The following PTP4A1 variants were observed in gnomAD, a reference collection of about 807,000 sequenced individuals.
The protein encoded by PTP4A1 is protein tyrosine phosphatase 4A1, also known as protein tyrosine phosphatase type IVA 1.
Under a neutral mutation model 20.5 loss-of-function variants are expected in PTP4A1, and 9 were observed. The ratio of observed to expected loss-of-function variants is 0.44; its 90% confidence interval spans 0.26 to 0.77. The LOEUF is 0.77. PTP4A1 is among the 30% of genes least tolerant of loss of function. The pLI, the probability that PTP4A1 is intolerant of heterozygous loss-of-function variation, is 0.19. For missense variants in PTP4A1, 137 were observed against 218.8 expected, an observed-to-expected ratio of 0.63 and a Z score of 2.36; for synonymous variants, 78 against 67.4, an observed-to-expected ratio of 1.16 and a Z score of -0.77.
At chr6:63,520,935 G>C (rs902418369), upstream of PTP4A1, among the ~76,000 whole-genome samples, 2 of 152,110 alleles carry the variant, frequency 1.3e-5, no homozygotes, top group Non-Finnish European at 2.9e-5. Context: ...CCTTTGCAGG[G>C]ACATGGATGA....
intron 3 of PTP4A1, among the ~76,000 whole-genome samples, chr6:63,563,165 C>A (rs563842046): frequency 1.3e-5 from 2 of 152,330 alleles, no homozygotes; most frequent in South Asian, 4.1e-4. Flanking sequence ...CTAGGGCCTT[C>A]TCCAATCCAT....
intron 2 of PTP4A1, among the ~76,000 whole-genome samples, chr6:63,547,672 AT>A (rs562055301): frequency 2.8e-3 from 411 of 149,184 alleles, no homozygotes; most frequent in African/African-American, 9.4e-3. Context: ...CGCCTGGCTA[AT>A]TTTTTGTATT....
intron 1 of PTP4A1, among the ~76,000 whole-genome samples, chr6:63,522,287 T>C (rs149168605): frequency 0.015 from 2,280 of 152,352 alleles, 31 homozygotes; most frequent in Non-Finnish European, 0.021. Flanking sequence ...GATGAATTAT[T>C]TGTATAGTTA....
chr6:63,567,252 T>A (rs928298485), intron 3 of PTP4A1, among the ~76,000 whole-genome samples: 2 of 152,338 alleles, frequency 1.3e-5, no homozygotes, highest in Admixed American at 6.5e-5. Context: ...TTACTTTGCT[T>A]AGATCCATCA....
At chr6:63,535,484 C>T (rs1179159785) in intron 2 of PTP4A1, among the ~76,000 whole-genome samples, 2 of 151,872 alleles carry the variant, frequency 1.3e-5, no homozygotes, top group African/African-American at 4.8e-5. Flanking sequence ...AAAAAAAAAG[C>T]AATAATATGC....
At chr6:63,532,798 C>A (rs1013115099) in intron 2 of PTP4A1, among the ~76,000 whole-genome samples, 1 of 151,948 alleles carries the variant, frequency 6.6e-6, no homozygotes, top group Non-Finnish European at 1.5e-5. Context: ...AGATTGAATT[C>A]TATTTGGGAA....
rs1412672029 is a variant in PTP4A1 at position 63,583,462 on chromosome 6, CTTGTA to C, written c.*3291_*3295del. On this transcript the variant is annotated 3_prime_UTR_variant, in exon 6 of 6. Coordinates refer to ENST00000626021, the MANE Select transcript of PTP4A1 (RefSeq NM_003463.5). ...TCTTGGAAGGAAAGTAAGGGAAAAA[CTTGTA>C]TTTGCCTTCAATGAATTAAACCAGT... is the stretch of plus-strand genomic sequence containing the variant. The C allele has an allele frequency of 6.6e-6, 1 of 152,120 alleles. No homozygotes were observed. Among genetic ancestry groups the C allele is most frequent in the Non-Finnish European group, 1.5e-5 (1 of 68,024 alleles). 9.4% of individuals were successfully genotyped at this position (152,120 alleles called of 1,614,324 possible).
chr6:63,573,731 C>T (rs1315957314), intron 1 of PTP4A1: 3 of 152,256 alleles, frequency 2.0e-5, no homozygotes, highest in Non-Finnish European at 2.9e-5. Context: ...CTAGTCTTGT[C>T]CTTTCTCTGG....
In PTP4A1 at chr6:63,566,266, T is replaced by C. The variant is rs537843637; in HGVS notation, c.-445-10170T>C. On this transcript the variant is annotated intron_variant, in intron 3 of 3. Transcript: ENST00000639568. Reference sequence around the variant, plus strand: ...GTCCAAAACATTTATTAAAGGAACTTGCAGGGTGTTGCAATGTATTATTGT... The same window carrying C: ...GTCCAAAACATTTATTAAAGGAACTCGCAGGGTGTTGCAATGTATTATTGT... 3.3e-5 allele frequency among the ~76,000 whole-genome samples: 5 copies of C among 152,326 alleles called. No individual in the cohort carries two copies. In the South Asian group the frequency reaches 1.0e-3, roughly 32 times the overall value.
At chr6:63,576,170 G>T (rs1294257822) in intron 1 of PTP4A1, among the ~76,000 whole-genome samples, 1 of 150,990 alleles carries the variant, frequency 6.6e-6, no homozygotes, top group East Asian at 1.9e-4. Flanking sequence ...TCACAAAAAT[G>T]TAACAATGGG....
At chr6:63,579,126 C>T in intron 4 of PTP4A1, 98 bp downstream of exon 4, 2 of 1,382,778 alleles carry the variant, frequency 1.4e-6, no homozygotes, top group Non-Finnish European at 1.9e-6. Context: ...ATAAAGTCAA[C>T]ATTTGTCATA....
At chr6:63,568,737 A>G (rs1777292695), upstream of PTP4A1, among the ~76,000 whole-genome samples, 1 of 152,206 alleles carries the variant, frequency 6.6e-6, no homozygotes, top group South Asian at 2.1e-4. Context: ...TAATAATCAT[A>G]TAAGAAAATT....
intron 3 of PTP4A1, among the ~76,000 whole-genome samples, chr6:63,561,415 C>T (rs920416801): frequency 6.6e-6 from 1 of 152,208 alleles, no homozygotes; most frequent in Admixed American, 6.5e-5. Flanking sequence ...CAACAACCAG[C>T]ACATTCAGTA....
chr6:63,520,591 A>G (rs1379121294), upstream of PTP4A1, among the ~76,000 whole-genome samples: 10 of 152,010 alleles, frequency 6.6e-5, no homozygotes, highest in East Asian at 1.9e-3. Flanking sequence ...AGATCATGCC[A>G]CTTCACTCCA....
chr6:63,517,830 A>G (rs1001815053), upstream of PTP4A1, among the ~76,000 whole-genome samples: 3 of 152,106 alleles, frequency 2.0e-5, no homozygotes, highest in Non-Finnish European at 4.4e-5. Context: ...GCGCAACCCA[A>G]TAGTTTTTAA....
chr6:63,554,641 A>T (rs1776597080), intron 3 of PTP4A1, among the ~76,000 whole-genome samples: 1 of 152,172 alleles, frequency 6.6e-6, no homozygotes, highest in Admixed American at 6.6e-5. Flanking sequence ...TACTAAAAAT[A>T]CAAAAATTAG....
upstream of PTP4A1, among the ~76,000 whole-genome samples, chr6:63,517,788 T>A (rs986800582): frequency 6.6e-6 from 1 of 152,170 alleles, no homozygotes; most frequent in African/African-American, 2.4e-5. Context: ...ACACAGACTA[T>A]GTCCAAAATC....
At chr6:63,529,702 T>A (rs889162648) in intron 2 of PTP4A1, among the ~76,000 whole-genome samples, 3 of 152,036 alleles carry the variant, frequency 2.0e-5, no homozygotes, top group Non-Finnish European at 4.4e-5. Context: ...GAACCAAGGG[T>A]GGAGGAAAAG....
At chr6:63,560,975 C>T (rs919256729) in intron 3 of PTP4A1, among the ~76,000 whole-genome samples, 15 of 152,152 alleles carry the variant, frequency 9.9e-5, no homozygotes, top group African/African-American at 1.4e-4. Context: ...TTTTACTAAA[C>T]TCATGGAAGG....
Sources: gnomAD v4.1 joint callset for allele counts (sites outside exome capture counted in the v4.1 genomes callset) on GRCh38, gnomAD v4.1.1 for gene constraint, MANE v1.5 for transcripts, NCBI Gene and HGNC (gene_info 2026-07-23, HGNC 2026-07-21) for gene names.